Variants in BIN1 observed in about 807,000 individuals in gnomAD.
BIN1 encodes the protein myc box-dependent-interacting protein 1.
Under a neutral mutation model 82.0 loss-of-function variants are expected in BIN1, and 53 were observed. The observed-to-expected ratio is 0.65, with a 90% CI of 0.52 to 0.81. BIN1 has a LOEUF of 0.81. Ranked by LOEUF, BIN1 falls within the 40% of genes least tolerant of loss-of-function variation. BIN1 has a pLI of 0.00. For missense variants in BIN1, 642 were observed against 784.4 expected, an observed-to-expected ratio of 0.82 and a Z score of 2.17; for synonymous variants, 302 against 328.0, an observed-to-expected ratio of 0.92 and a Z score of 0.86.
intron 15 of BIN1, 88 bp from the exon 16 acceptor site, chr2:127,051,331 G>C: frequency 7.2e-7 from 1 of 1,396,514 alleles, no homozygotes; most frequent in Non-Finnish European, 1.0e-6. Flanking sequence ...CAGCACCCAA[G>C]CGACAGGGCC....
Position 127,100,999 on chromosome 2 carries a change from C to CGGGGGCCGG in BIN1, c.84+5860_84+5861insCCGGCCCCC, listed in dbSNP as rs559593064. Among the ~76,000 whole-genome samples the CGGGGGCCGG allele has an allele frequency of 6.6e-4, 67 of 101,722 alleles. 5 individuals are homozygous for CGGGGGCCGG. Among genetic ancestry groups the CGGGGGCCGG allele is most frequent in the Non-Finnish European group, 1.1e-3 (55 of 51,064 alleles). The allele number at this position is 101,722 out of a possible 152,430, so 66.7% of individuals were successfully genotyped here. On this transcript the variant is annotated intron_variant, in intron 1 of 18. Coordinates refer to ENST00000316724, the MANE Select transcript of BIN1 (RefSeq NM_139343.3). ...AGACTTGCCCAAGGGTAGGAATGTG[C>CGGGGGCCGG]GGGGGGTGGGGATAGACTCAAACTC... is the stretch of plus-strand genomic sequence containing the variant.
intron 12 of BIN1, chr2:127,055,107 C>T (rs1312380332): frequency 6.7e-6 from 1 of 149,032 alleles, no homozygotes; most frequent in African/African-American, 2.5e-5. Context: ...ACTCCAGCCC[C>T]GCAGCCCAGG....
intron 9 of BIN1, 29 bp from the exon 10 acceptor site, chr2:127,062,226 G>A (rs1275478617): frequency 1.9e-5 from 30 of 1,576,006 alleles, no homozygotes; most frequent in Non-Finnish European, 2.4e-5. Context: ...GGAGGTGGGG[G>A]GCCTCCAAGG....
At chr2:127,063,505 A>G in intron 9 of BIN1, 66 bp downstream of exon 9, 1 of 1,531,168 alleles carries the variant, frequency 6.5e-7, no homozygotes, top group Non-Finnish European at 9.0e-7. Flanking sequence ...TGCCCCTCCC[A>G]CGACTCTGAC....
At chr2:127,071,458 A>G (rs1685886414) in intron 2 of BIN1, among the ~76,000 whole-genome samples, 1 of 152,178 alleles carries the variant, frequency 6.6e-6, no homozygotes, top group Non-Finnish European at 1.5e-5. Flanking sequence ...GAAAAGGCTG[A>G]GGGGACAGTG....
At position 127,053,963 on chromosome 2, in the gene BIN1, T is replaced by C. The variant is rs375322787; in HGVS notation, c.1181A>G (p.Asp394Gly). Residue 394 changes from aspartate to glycine, a missense_variant, in exon 13 of 19, where the codon GAC becomes GGC. Physicochemically the swap from Asp to Gly is moderately conservative, Grantham distance 94. Coordinates refer to ENST00000316724, the MANE Select transcript of BIN1 (RefSeq NM_139343.3). Reference sequence around the variant, plus strand: ...CGTCACGGGCGGGAGGGGGTCAAAGTCCAGGTCCAGCAGACTGGCCTGCTC... The same window carrying C: ...CGTCACGGGCGGGAGGGGGTCAAAGCCCAGGTCCAGCAGACTGGCCTGCTC... ...FSEQASLLDL[D>G]FDPLPPVTSP... 107 of 1,551,086 alleles carry C rather than the reference T, an allele frequency of 6.9e-5. No individual in the cohort carries two copies. The highest frequency in any genetic ancestry group is 8.3e-5 in the Non-Finnish European group (95 of 1,146,966).
At chr2:127,052,906 A>T in intron 14 of BIN1, 1 of 252,346 alleles carries the variant, frequency 4.0e-6, no homozygotes, top group Non-Finnish European at 7.8e-6. Context: ...GCTGTGTGAG[A>T]TGGCCTTGCA....
At chr2:127,098,562 G>A (rs1231586403) in intron 1 of BIN1, among the ~76,000 whole-genome samples, 4 of 138,964 alleles carry the variant, frequency 2.9e-5, no homozygotes, top group Non-Finnish European at 4.7e-5. Context: ...CCACCCCCAC[G>A]CCCCATGCTG....
intron 2 of BIN1, among the ~76,000 whole-genome samples, chr2:127,074,828 G>A (rs750855927): frequency 5.1e-4 from 77 of 152,252 alleles, no homozygotes; most frequent in Middle Eastern, 3.4e-3. Context: ...CCAGCCTCCC[G>A]AGTAGCTAGG....
In BIN1 at chr2:127,067,222, G is replaced by A. The variant is rs1018230319; in HGVS notation, c.612+941C>T. The stretch of plus-strand genomic sequence containing the variant: ...CTGCCCAGAGAGAAACCCAACCTCC[G>A]GGGCCGGGCCCCTATCGCCAGCCTC... On this transcript the variant is annotated intron_variant, in intron 7 of 18. Transcript: ENST00000316724. The surrounding 1 kb of genome is among the most constrained non-coding windows in gnomAD (Gnocchi z 4.7). 6.6e-5 allele frequency among the ~76,000 whole-genome samples: 10 copies of A among 152,132 alleles called. No individual in the cohort carries two copies. Among genetic ancestry groups the A allele is most frequent in the Non-Finnish European group, 1.2e-4 (8 of 68,034 alleles).
rs561438234 is a variant in BIN1, at chr2:127,082,335, C to G, written c.85-5629G>C. ...CTTTCCGCCCTCATGCTCCAGGGGC[C>G]CCTGCAGGGGAGACAGAGGGCAGGA... On this transcript the variant is annotated intron_variant, in intron 1 of 18. Coordinates refer to ENST00000316724, the MANE Select transcript of BIN1 (RefSeq NM_139343.3). The surrounding 1 kb of genome is among the most constrained non-coding windows in gnomAD (Gnocchi z 6.1). Among the ~76,000 whole-genome samples the G allele has an allele frequency of 6.6e-6, 1 of 152,156 alleles. No homozygotes were observed. The highest frequency in any genetic ancestry group is 1.5e-5 in the Non-Finnish European group (1 of 68,012).
intron 1 of BIN1, among the ~76,000 whole-genome samples, chr2:127,097,967 T>C (rs1679813505): frequency 6.6e-6 from 1 of 152,220 alleles, no homozygotes; most frequent in Admixed American, 6.5e-5. Flanking sequence ...CCCTGACTGC[T>C]GGGGCCTGAG....
In BIN1 at chr2:127,098,420, G is replaced by A. The variant is rs78190593; in HGVS notation, c.84+8440C>T. Among the ~76,000 whole-genome samples the A allele has an allele frequency of 9.9e-3, 1,510 of 152,314 alleles. 13 individuals are homozygous for A. The highest frequency in any genetic ancestry group is 0.017 in the Middle Eastern group (5 of 294). On this transcript the variant is annotated intron_variant, in intron 1 of 18. Coordinates refer to ENST00000316724, the MANE Select transcript of BIN1 (RefSeq NM_139343.3). ...GGCCTTCACACAGCAGAGGGGAGAT[G>A]TCTGCAGACTGGAGGCAGCAGTGGG...
At chr2:127,086,941 C>T (rs141910544) in intron 1 of BIN1, among the ~76,000 whole-genome samples, 297 of 152,296 alleles carry the variant, frequency 2.0e-3, no homozygotes, top group African/African-American at 6.0e-3. Flanking sequence ...CACACTTTTC[C>T]GTGGTCCCCT....
At position 127,079,210 on chromosome 2, in the gene BIN1, A is replaced by C. The variant is rs565556797; in HGVS notation, c.85-2504T>G. On this transcript the variant is annotated intron_variant, in intron 1 of 18. Transcript: ENST00000316724. ...GAGATCTTCCAGCCTTGAGAACGAG[A>C]CACCAGCCCAGGTGAGACTCCACGC... is the stretch of plus-strand genomic sequence containing the variant. Among the ~76,000 whole-genome samples, 376 of 152,308 alleles carry C rather than the reference A, an allele frequency of 2.5e-3. 2 individuals are homozygous for C. Among genetic ancestry groups the C allele is most frequent in the African/African-American group, 8.7e-3 (361 of 41,560 alleles).
chr2:127,097,697 T>A (rs1679780767), intron 1 of BIN1, among the ~76,000 whole-genome samples: 1 of 152,100 alleles, frequency 6.6e-6, no homozygotes, highest in African/African-American at 2.4e-5. Context: ...TAAGATACAG[T>A]CCTTGGCTGA....
chr2:127,074,899 C>T (rs900082533), intron 2 of BIN1, among the ~76,000 whole-genome samples: 3 of 152,146 alleles, frequency 2.0e-5, no homozygotes, highest in African/African-American at 7.2e-5. Context: ...GGCGGGGTTT[C>T]ACCATATTGG....
intron 12 of BIN1, 95 bp from the exon 13 acceptor site, chr2:127,054,107 G>A (rs1683330510): frequency 4.0e-6 from 4 of 987,912 alleles, no homozygotes; most frequent in Non-Finnish European, 4.7e-6. Context: ...GCACACGCGT[G>A]GACACACACA....
At chr2:127,072,546 G>A (rs1264648954) in intron 2 of BIN1, among the ~76,000 whole-genome samples, 2 of 152,082 alleles carry the variant, frequency 1.3e-5, no homozygotes, top group Non-Finnish European at 2.9e-5. Flanking sequence ...GAATGCTTCC[G>A]TGTGACAGTA....
Sources: allele counts gnomAD v4.1 joint callset (sites outside exome capture counted in the v4.1 genomes callset), GRCh38; gene constraint gnomAD v4.1.1; non-coding constraint Gnocchi (gnomAD v3.1); transcripts MANE v1.5; gene names NCBI Gene and HGNC (gene_info 2026-07-23, HGNC 2026-07-21).